Variants in TRAPPC9 observed in about 807,000 individuals in gnomAD.
The protein encoded by TRAPPC9 is trafficking protein particle complex subunit 9.
In TRAPPC9, 83 loss-of-function variants were observed where a neutral mutation model predicts 124.0. The ratio of observed to expected loss-of-function variants is 0.67; its 90% CI spans 0.56 to 0.80. The LOEUF (loss-of-function observed/expected upper bound fraction) is 0.80. Among genes scored for constraint, TRAPPC9 ranks in the 30% least tolerant of loss-of-function variants. TRAPPC9 has a pLI of 0.00. For synonymous variants in TRAPPC9, 638 were observed against 617.5 expected, an observed-to-expected ratio of 1.03 and a Z score of -0.49; for missense variants, 1,302 against 1,508.3, an observed-to-expected ratio of 0.86 and a Z score of 2.27.
At chr8:140,343,116 T>C (rs1161833331) in intron 9 of TRAPPC9, among the ~76,000 whole-genome samples, 1 of 152,218 alleles carries the variant, frequency 6.6e-6, no homozygotes, top group Non-Finnish European at 1.5e-5. Context: ...ATAAAGGACA[T>C]ATATTAAAAT....
In TRAPPC9 at chr8:140,216,312, A is replaced by ATTC. The variant is rs2063193080; in HGVS notation, c.2556+5146_2556+5147insGAA. Among the ~76,000 whole-genome samples the ATTC allele has an allele frequency of 6.6e-6, 1 of 152,216 alleles. No individual in the cohort carries two copies. Among genetic ancestry groups the ATTC allele is most frequent in the Non-Finnish European group, 1.5e-5 (1 of 68,038 alleles). ...CGAACATTCATCTCTATCTATATAC[A>ATTC]TTTATAATGATTCCAAAGAAAAACA... On this transcript the variant is annotated intron_variant, in intron 17 of 22. Coordinates refer to ENST00000438773, the MANE Select transcript of TRAPPC9 (RefSeq NM_001160372.4). This position sits in a 1 kb window ranked among gnomAD's most constrained non-coding sequence, Gnocchi z 4.1.
chr8:139,893,357 CCT>C (rs1269750071), intron 20 of TRAPPC9, among the ~76,000 whole-genome samples: 1 of 152,196 alleles, frequency 6.6e-6, no homozygotes, highest in Non-Finnish European at 1.5e-5. Flanking sequence ...CTGGCAGACT[CCT>C]CTCTTTCAGA....
intron 9 of TRAPPC9, among the ~76,000 whole-genome samples, chr8:140,319,051 G>A (rs1224431113): frequency 6.6e-6 from 1 of 152,114 alleles, no homozygotes; most frequent in East Asian, 1.9e-4. Flanking sequence ...TTAGTGGGAG[G>A]TGATGATTCC....
intron 17 of TRAPPC9, among the ~76,000 whole-genome samples, chr8:140,121,302 T>C (rs1265200003): frequency 1.3e-5 from 2 of 152,084 alleles, no homozygotes; most frequent in African/African-American, 4.8e-5. Flanking sequence ...TGGGCCTGGG[T>C]GTTGTTGGAC....
intron 18 of TRAPPC9, among the ~76,000 whole-genome samples, chr8:140,006,027 G>T (rs1448251419): frequency 6.6e-6 from 1 of 152,058 alleles, no homozygotes; most frequent in Non-Finnish European, 1.5e-5. Flanking sequence ...AAGGCAAAAT[G>T]ACTGTGAAAA....
intron 18 of TRAPPC9, among the ~76,000 whole-genome samples, chr8:140,015,120 T>C (rs1273190277): frequency 6.6e-6 from 1 of 152,220 alleles, no homozygotes; most frequent in Non-Finnish European, 1.5e-5. Context: ...TTGACATATA[T>C]TTGGCTTCTA....
intron 10 of TRAPPC9, among the ~76,000 whole-genome samples, chr8:140,308,230 G>A (rs531209569): frequency 3.3e-5 from 5 of 151,848 alleles, no homozygotes; most frequent in East Asian, 1.9e-4. Flanking sequence ...GAAATAGGGC[G>A]CTCACAATCA....
chr8:139,823,176 G>A (rs143212774), intron 21 of TRAPPC9, among the ~76,000 whole-genome samples: 79 of 152,212 alleles, frequency 5.2e-4, no homozygotes, highest in African/African-American at 1.6e-3. Flanking sequence ...CATTCAGTTC[G>A]GACCAGTACC....
intron 21 of TRAPPC9, among the ~76,000 whole-genome samples, chr8:139,754,885 C>T (rs2130257257): frequency 6.6e-6 from 1 of 152,364 alleles, no homozygotes; most frequent in Non-Finnish European, 1.5e-5. Context: ...TGAGCTTCCA[C>T]TTCCTCATCT....
At chr8:140,403,521 C>T (rs1191098806) in intron 6 of TRAPPC9, among the ~76,000 whole-genome samples, 1 of 152,094 alleles carries the variant, frequency 6.6e-6, no homozygotes, top group African/African-American at 2.4e-5. Context: ...GCTGGGATTA[C>T]AGGCATGAGC....
At chr8:140,437,932 T>C (rs1008412671) in intron 3 of TRAPPC9, among the ~76,000 whole-genome samples, 1 of 152,212 alleles carries the variant, frequency 6.6e-6, no homozygotes, top group African/African-American at 2.4e-5. Context: ...CTCTGCCGAC[T>C]GCTGCGGGGG....
intron 6 of TRAPPC9, among the ~76,000 whole-genome samples, chr8:140,402,310 A>T (rs2069305718): frequency 1.3e-5 from 2 of 151,718 alleles, no homozygotes; most frequent in African/African-American, 4.8e-5. Flanking sequence ...GGGTGGGAGG[A>T]TTGGTTGAGT....
At chr8:139,963,923 A>C (rs1178859394) in intron 19 of TRAPPC9, among the ~76,000 whole-genome samples, 1 of 152,142 alleles carries the variant, frequency 6.6e-6, no homozygotes, top group African/African-American at 2.4e-5. Context: ...TGCAACTATA[A>C]AAAAATTATG....
At chr8:140,399,218 G>A (rs189589735) in intron 6 of TRAPPC9, among the ~76,000 whole-genome samples, 104 of 152,380 alleles carry the variant, frequency 6.8e-4, no homozygotes, top group African/African-American at 2.4e-3. Flanking sequence ...CTCTGCTAGG[G>A]CAGTGCAAAA....
chr8:139,764,582 G>A (rs141807905), intron 21 of TRAPPC9, among the ~76,000 whole-genome samples: 1 of 152,150 alleles, frequency 6.6e-6, no homozygotes, highest in Non-Finnish European at 1.5e-5. Context: ...AGGTGGTTCT[G>A]CCCCCTGTGG....
At chr8:140,205,822 C>T (rs1029387383) in intron 17 of TRAPPC9, among the ~76,000 whole-genome samples, 1 of 152,172 alleles carries the variant, frequency 6.6e-6, no homozygotes, top group African/African-American at 2.4e-5. Context: ...ACCATGCAAC[C>T]ATTCTTGTCC....
intron 21 of TRAPPC9, among the ~76,000 whole-genome samples, chr8:139,838,664 G>A (rs868451244): frequency 6.6e-6 from 1 of 152,186 alleles, no homozygotes; most frequent in African/African-American, 2.4e-5. Context: ...GTGATGACGG[G>A]TGGGTGGCAA....
At chr8:140,391,144 T>G (rs999385688) in intron 7 of TRAPPC9, among the ~76,000 whole-genome samples, 1 of 152,214 alleles carries the variant, frequency 6.6e-6, no homozygotes, top group Non-Finnish European at 1.5e-5. Flanking sequence ...CAGAGTAGCC[T>G]GCATAAAATT....
At chr8:139,919,448 C>A (rs1832369042) in intron 19 of TRAPPC9, among the ~76,000 whole-genome samples, 1 of 152,064 alleles carries the variant, frequency 6.6e-6, no homozygotes, top group Non-Finnish European at 1.5e-5. Flanking sequence ...TGTGAATAAA[C>A]AAAAATCACT....
Sources: allele counts gnomAD v4.1 joint callset (sites outside exome capture counted in the v4.1 genomes callset), GRCh38; gene constraint gnomAD v4.1.1; non-coding constraint Gnocchi (gnomAD v3.1); transcripts MANE v1.5; gene names NCBI Gene and HGNC (gene_info 2026-07-23, HGNC 2026-07-21).